Variants in TENM2 observed in about 807,000 individuals in gnomAD.
TENM2 encodes the protein teneurin-2.
In TENM2, 52 loss-of-function variants were observed where a neutral mutation model predicts 245.2. That is an observed-to-expected ratio of 0.21 (90% CI 0.17 to 0.27). The LOEUF (loss-of-function observed/expected upper bound fraction) is 0.27, where lower values mean the gene tolerates loss of function less well. Ranked by LOEUF, TENM2 falls within the 10% of genes least tolerant of loss-of-function variation. The pLI is 1.00. For synonymous variants in TENM2, 1,363 were observed against 1,438.9 expected (o/e 0.95, Z 1.19); for missense variants, 3,046 against 3,666.8 (o/e 0.83, Z 4.37).
chr5:168,221,445 C>T (rs1267995151), intron 23 of TENM2, among the ~76,000 whole-genome samples: 1 of 152,170 alleles, frequency 6.6e-6, no homozygotes, highest in Non-Finnish European at 1.5e-5. Flanking sequence ...CCAAGCCCAG[C>T]GTTCTTTGCA....
intron 2 of TENM2, among the ~76,000 whole-genome samples, chr5:167,787,637 A>G (rs756435167): frequency 2.6e-5 from 4 of 152,160 alleles, no homozygotes; most frequent in African/African-American, 4.8e-5. Context: ...CCTGTCACTG[A>G]GTCTTATTAG....
At chr5:168,074,574 C>T (rs1444026573) in intron 7 of TENM2, among the ~76,000 whole-genome samples, 1 of 146,674 alleles carries the variant, frequency 6.8e-6, no homozygotes, top group African/African-American at 2.5e-5. Flanking sequence ...TGGCCGTCCA[C>T]CGTAGGTGTT....
At chr5:167,215,324 G>A in the TENM2 span, among the ~76,000 whole-genome samples, 3 of 152,282 alleles carry the variant, frequency 2.0e-5, no homozygotes, top group South Asian at 2.1e-4. Context: ...ATATGTTTTC[G>A]AAAAGTAGCT....
the TENM2 span, among the ~76,000 whole-genome samples, chr5:167,094,957 T>G: frequency 6.6e-6 from 1 of 152,152 alleles, no homozygotes; most frequent in Admixed American, 6.5e-5. Flanking sequence ...GTTGGGTAGC[T>G]GAGATACAGA....
intron 2 of TENM2, among the ~76,000 whole-genome samples, chr5:167,385,988 G>T (rs965963806): frequency 6.6e-6 from 1 of 151,560 alleles, no homozygotes; most frequent in Non-Finnish European, 1.5e-5. Context: ...CTATAAACAC[G>T]CGTGTGCAAG....
intron 5 of TENM2, among the ~76,000 whole-genome samples, chr5:168,046,889 C>T (rs1788654060): frequency 6.6e-6 from 1 of 152,148 alleles, no homozygotes; most frequent in Non-Finnish European, 1.5e-5. Context: ...TGGGCCAGTA[C>T]CACTATAGAT....
the TENM2 span, among the ~76,000 whole-genome samples, chr5:167,072,822 C>T: frequency 6.6e-6 from 1 of 152,088 alleles, no homozygotes; most frequent in East Asian, 1.9e-4. Flanking sequence ...GCAAACTGTA[C>T]ATTTTAAGAT....
At chr5:168,188,254 G>A (rs956385354) in intron 13 of TENM2, among the ~76,000 whole-genome samples, 9 of 152,158 alleles carry the variant, frequency 5.9e-5, no homozygotes, top group East Asian at 3.9e-4. Flanking sequence ...CTGATTCAGC[G>A]TTCCAGTACA....
chr5:168,033,393 A>G (rs1305763410), intron 5 of TENM2, among the ~76,000 whole-genome samples: 6 of 152,004 alleles, frequency 3.9e-5, no homozygotes, highest in African/African-American at 1.2e-4. Context: ...AGGTTATTTA[A>G]TCTCTCTAAG....
rs138560068 is a variant in TENM2, at chr5:167,511,551, G to T, written c.502+136078G>T. 4.8e-3 allele frequency among the ~76,000 whole-genome samples: 728 copies of T among 152,278 alleles called. 6 individuals are homozygous for T. Among genetic ancestry groups the T allele is most frequent in the African/African-American group, 0.016 (678 of 41,568 alleles). On this transcript the variant is annotated intron_variant, in intron 2 of 28. Transcript: ENST00000518659. ...ACTTAAATACAATCTTAAGGGCCCTGCAATTAACTAGGTTTGTGGCAGAGA... is the reference window on the plus strand; with the variant it reads ...ACTTAAATACAATCTTAAGGGCCCTTCAATTAACTAGGTTTGTGGCAGAGA...
intron 2 of TENM2, among the ~76,000 whole-genome samples, chr5:167,387,694 G>A (rs1761522499): frequency 6.6e-6 from 1 of 151,958 alleles, no homozygotes. Flanking sequence ...TATGTCCCTT[G>A]TATGCTGATT....
the TENM2 span, among the ~76,000 whole-genome samples, chr5:167,128,588 C>T: frequency 6.6e-6 from 1 of 151,734 alleles, no homozygotes; most frequent in Admixed American, 6.6e-5. Flanking sequence ...CCTCTTTCAC[C>T]TGAAAAGTTA....
At chr5:168,262,180 G>C (rs371841932) in exon 29 of TENM2, 7 of 1,612,168 alleles carry the variant, frequency 4.3e-6, no homozygotes, top group Middle Eastern at 1.6e-4. Context: ...CCACCACCAC[G>C]CCCATCATTG....
chr5:168,108,759 A>G (rs1794449082), intron 9 of TENM2, among the ~76,000 whole-genome samples: 2 of 152,058 alleles, frequency 1.3e-5, no homozygotes, highest in Admixed American at 6.6e-5. Flanking sequence ...GTCCCCAACA[A>G]TAAGTACTGC....
intron 1 of TENM2, among the ~76,000 whole-genome samples, chr5:167,352,070 T>G (rs2127846531): frequency 6.6e-6 from 1 of 152,332 alleles, no homozygotes; most frequent in African/African-American, 2.4e-5. Context: ...TTTTTCAAAT[T>G]TTATTTTTTG....
intron 2 of TENM2, among the ~76,000 whole-genome samples, chr5:167,685,369 A>C (rs1337250045): frequency 2.0e-5 from 3 of 152,160 alleles, no homozygotes; most frequent in Admixed American, 6.6e-5. Flanking sequence ...TTCATAAGCC[A>C]TCTTGAATCA....
At chr5:168,215,736 G>A (rs1413175051) in intron 21 of TENM2, among the ~76,000 whole-genome samples, 1 of 152,232 alleles carries the variant, frequency 6.6e-6, no homozygotes, top group Non-Finnish European at 1.5e-5. Context: ...GGCTCCAAGT[G>A]GAAAGTGAAG....
At chr5:167,994,670 G>A (rs1174029118) in intron 5 of TENM2, among the ~76,000 whole-genome samples, 1 of 152,186 alleles carries the variant, frequency 6.6e-6, no homozygotes, top group Non-Finnish European at 1.5e-5. Context: ...TGAGAAAACT[G>A]ACTCTCCAGG....
chr5:167,949,956 G>A (rs983595310), intron 3 of TENM2, among the ~76,000 whole-genome samples: 12 of 152,098 alleles, frequency 7.9e-5, no homozygotes, highest in African/African-American at 2.4e-4. Context: ...TTCCAATACC[G>A]AGAACGCTGG....
Sources: allele counts gnomAD v4.1 joint callset (sites outside exome capture counted in the v4.1 genomes callset), GRCh38; gene constraint gnomAD v4.1.1; transcripts MANE v1.5; gene names NCBI Gene and HGNC (gene_info 2026-07-23, HGNC 2026-07-21).